SGCG: variants seen among roughly 807,000 people sequenced by gnomAD.
SGCG encodes the protein sarcoglycan gamma.
Under a neutral mutation model 29.3 loss-of-function variants are expected in SGCG, and 26 were observed. The ratio of observed to expected loss-of-function variants is 0.89; its 90% CI spans 0.65 to 1.23. SGCG has a LOEUF of 1.23. Among genes scored for constraint, SGCG ranks in the 50% most tolerant of loss-of-function variants. The pLI is 0.00. For missense variants in SGCG, 353 were observed against 356.0 expected (o/e 0.99, Z 0.07); for synonymous variants, 145 against 129.7 (o/e 1.12, Z -0.80).
At position 23,194,120 on chromosome 13, in the gene SGCG, T is replaced by C. The variant is rs760459937; in HGVS notation, c.1-9575T>C. On this transcript the variant is annotated intron_variant, in intron 1 of 7. Transcript: ENST00000218867. ...CAAGGAGGTTATGTGATCCCTCTGA[T>C]TGATATTAGCCAAAGCTAAATATGG... is the stretch of plus-strand genomic sequence containing the variant. Among the ~76,000 whole-genome samples the C allele has an allele frequency of 3.9e-5, 6 of 152,360 alleles. No homozygotes were observed. The South Asian group carries it at 1.0e-3, about 26-fold the overall frequency.
intron 4 of SGCG, among the ~76,000 whole-genome samples, chr13:23,275,706 G>A (rs1881045380): frequency 6.6e-6 from 1 of 152,080 alleles, no homozygotes; most frequent in African/African-American, 2.4e-5. Context: ...GGTCATTAGT[G>A]CCAGGCTTAT....
intron 4 of SGCG, among the ~76,000 whole-genome samples, chr13:23,271,252 G>A (rs753093126): frequency 4.6e-5 from 7 of 151,932 alleles, no homozygotes; most frequent in South Asian, 4.2e-4. Flanking sequence ...TTGAAATGCC[G>A]TCATTATCAT....
the SGCG span, among the ~76,000 whole-genome samples, chr13:23,163,685 T>C: frequency 6.6e-6 from 1 of 152,228 alleles, no homozygotes; most frequent in East Asian, 1.9e-4. Context: ...ACACTGTTTT[T>C]TGTCTAGTAG....
At chr13:23,245,513 G>C (rs185034308) in intron 3 of SGCG, 118 of 152,308 alleles carry the variant, frequency 7.7e-4, no homozygotes, top group African/African-American at 2.8e-3. Flanking sequence ...GACGAGCCAG[G>C]AATGCCACTA....
intron 2 of SGCG, among the ~76,000 whole-genome samples, chr13:23,218,002 AAAGT>A (rs1474713111): frequency 2.6e-5 from 4 of 152,136 alleles, no homozygotes; most frequent in African/African-American, 9.7e-5. Context: ...AAGAACAAGA[AAAGT>A]ATGTCTGATA....
chr13:23,314,183 T>G (rs1173575264), intron 6 of SGCG, among the ~76,000 whole-genome samples: 1 of 130,750 alleles, frequency 7.6e-6, no homozygotes, highest in African/African-American at 2.6e-5. Context: ...ACAGTATATA[T>G]ATATATAGAG....
At chr13:23,279,522 C>T (rs1327972698) in intron 5 of SGCG, 44 bp downstream of exon 5, 1 of 1,592,648 alleles carries the variant, frequency 6.3e-7, no homozygotes, top group East Asian at 2.3e-5. Context: ...ATGGAGTACA[C>T]ATCTGCAAAA....
chr13:23,170,784 T>A, the SGCG span, among the ~76,000 whole-genome samples: 3 of 152,194 alleles, frequency 2.0e-5, no homozygotes, highest in Non-Finnish European at 4.4e-5. Flanking sequence ...AGGAGCGCAG[T>A]GACCCTCAGA....
the SGCG span, among the ~76,000 whole-genome samples, chr13:23,165,486 A>G: frequency 6.6e-6 from 1 of 152,074 alleles, no homozygotes; most frequent in African/African-American, 2.4e-5. Flanking sequence ...AAAAGTTAAG[A>G]GATTCCCCAT....
chr13:23,301,506 A>C (rs2137656513), intron 6 of SGCG, among the ~76,000 whole-genome samples: 1 of 152,340 alleles, frequency 6.6e-6, no homozygotes, highest in South Asian at 2.1e-4. Context: ...AGCAGCCTAA[A>C]GTTCAGGGAA....
intron 7 of SGCG, among the ~76,000 whole-genome samples, chr13:23,323,251 C>A (rs117893944): frequency 0.027 from 4,042 of 152,186 alleles, 104 homozygotes; most frequent in East Asian, 0.11. Context: ...TAGATAATAA[C>A]CTAAAGATTC....
intron 4 of SGCG, among the ~76,000 whole-genome samples, chr13:23,254,957 G>A (rs1025656037): frequency 2.0e-5 from 3 of 152,224 alleles, no homozygotes; most frequent in Admixed American, 6.5e-5. Flanking sequence ...TTCAGAAGAC[G>A]TGTAGAAAAG....
intron 6 of SGCG, among the ~76,000 whole-genome samples, chr13:23,299,437 TA>T (rs1566037435): frequency 0.018 from 355 of 19,562 alleles, 33 homozygotes; most frequent in African/African-American, 0.045. Flanking sequence ...TATATATATA[TA>T]TATATATATA....
intron 4 of SGCG, among the ~76,000 whole-genome samples, chr13:23,257,310 T>C (rs1566019725): frequency 6.6e-6 from 1 of 152,166 alleles, no homozygotes; most frequent in Non-Finnish European, 1.5e-5. Flanking sequence ...ATGCAAAACA[T>C]GCAAGTTTGT....
upstream of SGCG, among the ~76,000 whole-genome samples, chr13:23,178,884 G>A (rs1463836889): frequency 1.3e-5 from 2 of 152,134 alleles, no homozygotes; most frequent in Non-Finnish European, 2.9e-5. Context: ...TTGATGAGAT[G>A]GTGTCAGGAA....
intron 6 of SGCG, among the ~76,000 whole-genome samples, chr13:23,305,542 C>T (rs557066424): frequency 6.6e-6 from 1 of 152,260 alleles, no homozygotes; most frequent in East Asian, 1.9e-4. Flanking sequence ...TTGGATTTCC[C>T]AATGTCCTCA....
intron 5 of SGCG, among the ~76,000 whole-genome samples, chr13:23,283,753 C>A (rs540572575): frequency 1.3e-5 from 2 of 152,116 alleles, no homozygotes; most frequent in Non-Finnish European, 2.9e-5. Context: ...TGGCTGGTAC[C>A]GGTTTTTCCT....
chr13:23,279,737 T>TCCTCCC (rs1566028875), intron 5 of SGCG, among the ~76,000 whole-genome samples: 1 of 151,702 alleles, frequency 6.6e-6, no homozygotes. Context: ...CTTCTTTTTT[T>TCCTCCC]TTTCTTTTTA....
At chr13:23,312,834 T>A (rs892690927) in intron 6 of SGCG, among the ~76,000 whole-genome samples, 1 of 151,800 alleles carries the variant, frequency 6.6e-6, no homozygotes, top group East Asian at 1.9e-4. Flanking sequence ...AAAAAAATGG[T>A]GTCTCCAAAA....
Sources: gnomAD v4.1 joint callset for allele counts (sites outside exome capture counted in the v4.1 genomes callset) on GRCh38, gnomAD v4.1.1 for gene constraint, MANE v1.5 for transcripts, NCBI Gene and HGNC (gene_info 2026-07-23, HGNC 2026-07-21) for gene names.